The following KIAA0232 variants were observed in gnomAD, a reference collection of about 807,000 sequenced individuals.
KIAA0232 encodes the protein uncharacterized protein KIAA0232.
In KIAA0232, 27 loss-of-function variants were observed where a neutral mutation model predicts 122.0. The observed-to-expected ratio is 0.22, with a 90% confidence interval of 0.16 to 0.31. The LOEUF is 0.31. Among genes scored for constraint, KIAA0232 ranks in the 10% least tolerant of loss-of-function variants. KIAA0232 has a pLI of 1.00. For missense variants in KIAA0232, 1,551 were observed against 1,634.2 expected (o/e 0.95, Z 0.88); for synonymous variants, 613 against 587.6 (o/e 1.04, Z -0.63).
chr4:6,795,373 A>C (rs1160191995), intron 1 of KIAA0232, among the ~76,000 whole-genome samples: 2 of 152,148 alleles, frequency 1.3e-5, no homozygotes, highest in Non-Finnish European at 2.9e-5. Context: ...CGCCCGGCCC[A>C]CATGTGGCTT....
In KIAA0232 at chr4:6,882,645, T is replaced by TGC. The variant is rs1287058290; in HGVS notation, c.*1680_*1681insCG. The TGC allele has an allele frequency of 1.8e-4, 27 of 152,222 alleles. No individual in the cohort carries two copies. The highest frequency in any genetic ancestry group is 6.3e-4 in the African/African-American group (26 of 41,414). The allele number at this position is 152,222 out of a possible 1,614,324, so 9.4% of individuals were successfully genotyped here. ...GGGTGGGTGTGTGTGTGTGTGTGTGTGTGCGCGCGTGCGCGCGCGCATGTG... is the reference window on the plus strand; with the variant it reads ...GGGTGGGTGTGTGTGTGTGTGTGTGTGCGTGCGCGCGTGCGCGCGCGCATGTG... On this transcript the variant is annotated 3_prime_UTR_variant, in exon 10 of 10. Transcript: ENST00000307659.
chr4:6,823,048 G>C (rs181254250), intron 2 of KIAA0232, among the ~76,000 whole-genome samples: 9 of 151,074 alleles, frequency 6.0e-5, no homozygotes, highest in Middle Eastern at 3.4e-3. Context: ...TTGTTCTTGC[G>C]ATAGTTTACT....
At chr4:6,824,159 CT>C (rs1364733378) in intron 2 of KIAA0232, 25 bp from the exon 3 acceptor site, 16 of 497,624 alleles carry the variant, frequency 3.2e-5, no homozygotes, top group Non-Finnish European at 4.2e-5. Context: ...ATAATGCATA[CT>C]TTTTTTCCTC....
At chr4:6,804,308 A>G (rs138475412) in intron 1 of KIAA0232, among the ~76,000 whole-genome samples, 1,582 of 152,254 alleles carry the variant, frequency 0.01, 8 homozygotes, top group Non-Finnish European at 0.017. Flanking sequence ...CATGAACACT[A>G]GTGTGCCCTA....
intron 2 of KIAA0232, among the ~76,000 whole-genome samples, chr4:6,818,553 G>T (rs1718252505): frequency 6.6e-6 from 1 of 151,906 alleles, no homozygotes; most frequent in African/African-American, 2.4e-5. Context: ...CTGCAAGAAG[G>T]ACGATAAAAT....
chr4:6,834,410 T>C (rs1719159460), intron 3 of KIAA0232, among the ~76,000 whole-genome samples: 1 of 152,180 alleles, frequency 6.6e-6, no homozygotes, highest in Non-Finnish European at 1.5e-5. Context: ...ACTATTGCTA[T>C]TATTGTTGCT....
chr4:6,839,836 G>C (rs1369757881), intron 3 of KIAA0232, among the ~76,000 whole-genome samples: 1 of 152,118 alleles, frequency 6.6e-6, no homozygotes, highest in African/African-American at 2.4e-5. Flanking sequence ...TCAGTGAGGA[G>C]GTCATCACTG....
chr4:6,850,476 A>G (rs1720216147), intron 4 of KIAA0232, among the ~76,000 whole-genome samples: 1 of 152,144 alleles, frequency 6.6e-6, no homozygotes. Context: ...CATACTCTAT[A>G]TATTTTTGTA....
intron 2 of KIAA0232, among the ~76,000 whole-genome samples, chr4:6,816,837 C>T (rs1333890988): frequency 6.6e-6 from 1 of 152,096 alleles, no homozygotes. Context: ...TTGTATCTTT[C>T]AAGGAATTTT....
chr4:6,795,986 C>G (rs761601678), intron 1 of KIAA0232, among the ~76,000 whole-genome samples: 2 of 152,078 alleles, frequency 1.3e-5, no homozygotes, highest in Non-Finnish European at 2.9e-5. Flanking sequence ...AAGGGCAGAG[C>G]CTGGAAAGCT....
chr4:6,802,753 G>A (rs145928549), intron 1 of KIAA0232, among the ~76,000 whole-genome samples: 163 of 152,230 alleles, frequency 1.1e-3, no homozygotes, highest in African/African-American at 3.8e-3. Flanking sequence ...ATAGAGCAAG[G>A]TGTGGTATGT....
At chr4:6,803,227 A>G (rs1262485660) in intron 1 of KIAA0232, among the ~76,000 whole-genome samples, 1 of 145,294 alleles carries the variant, frequency 6.9e-6, no homozygotes, top group Non-Finnish European at 1.5e-5. Flanking sequence ...ATATATATAT[A>G]TGGACTTTCT....
chr4:6,799,081 G>C (rs998233451), intron 1 of KIAA0232, among the ~76,000 whole-genome samples: 1 of 152,042 alleles, frequency 6.6e-6, no homozygotes, highest in East Asian at 1.9e-4. Flanking sequence ...GAGATTCTGA[G>C]AGAGAGCTTG....
At chr4:6,783,609 C>T (rs1263913624) in intron 1 of KIAA0232, among the ~76,000 whole-genome samples, 3 of 150,388 alleles carry the variant, frequency 2.0e-5, no homozygotes, top group Admixed American at 6.6e-5. Context: ...GGAAAACCGC[C>T]GGGCGGGGGA....
intron 4 of KIAA0232, among the ~76,000 whole-genome samples, chr4:6,843,749 G>A (rs533377721): frequency 4.3e-4 from 65 of 151,990 alleles, no homozygotes; most frequent in African/African-American, 1.4e-3. Context: ...CAACCTGGGC[G>A]ACAGAGGGAG....
chr4:6,863,767 G>C lies in KIAA0232; in HGVS notation c.3385G>C (p.Glu1129Gln). Residue 1129 changes from glutamate (E) to glutamine (Q), a missense_variant, in exon 7 of 10, where the codon GAG becomes CAG. Transcript: ENST00000307659. Reference protein sequence around the residue: ...GGGSESEFESEKDEANIPIPS... With the variant: ...GGGSESEFESQKDEANIPIPS... The stretch of plus-strand genomic sequence containing the variant: ...AGGAAGCGAGTCAGAATTTGAATCT[G>C]AGAAAGATGAAGCAAATATTCCCAT... The C allele has an allele frequency of 6.2e-7, 1 of 1,614,170 alleles. No individual in the cohort carries two copies. The highest frequency in any genetic ancestry group is 8.5e-7 in the Non-Finnish European group (1 of 1,180,030).
At chr4:6,789,096 G>A (rs953375042) in intron 1 of KIAA0232, among the ~76,000 whole-genome samples, 1 of 150,626 alleles carries the variant, frequency 6.6e-6, no homozygotes, top group African/African-American at 2.4e-5. Context: ...TCAGCTTCCC[G>A]AGTAGCTGGG....
intron 3 of KIAA0232, among the ~76,000 whole-genome samples, chr4:6,839,634 G>C (rs1207445906): frequency 6.6e-6 from 1 of 152,212 alleles, no homozygotes; most frequent in African/African-American, 2.4e-5. Flanking sequence ...GCCTGATGCT[G>C]TAAGGTCAGA....
chr4:6,871,115 C>T lies in KIAA0232; in HGVS notation c.3802-459C>T, dbSNP rs1414951144. Among the ~76,000 whole-genome samples, 3 of 152,136 alleles carry T rather than the reference C, an allele frequency of 2.0e-5. No individual in the cohort carries two copies. In the East Asian group the frequency reaches 5.8e-4, roughly 29 times the overall value. On this transcript the variant is annotated intron_variant, in intron 7 of 9. Transcript: ENST00000307659. ...TGTGAACACGCTGGCTTTTAAAATG[C>T]ACTTTTTTTCAGAACATTATAAAAA...
Sources: gnomAD v4.1 joint callset for allele counts (sites outside exome capture counted in the v4.1 genomes callset) on GRCh38, gnomAD v4.1.1 for gene constraint, MANE v1.5 for transcripts, NCBI Gene and HGNC (gene_info 2026-07-23, HGNC 2026-07-21) for gene names.